Variants in NLRP5 observed in about 807,000 individuals in gnomAD.
The protein encoded by NLRP5 is NACHT, LRR and PYD domains-containing protein 5.
NLRP5 carries 93 observed loss-of-function variants against 113.1 expected under a neutral mutation model. That is an observed-to-expected ratio of 0.82 (90% confidence interval 0.70 to 0.98). The LOEUF (loss-of-function observed/expected upper bound fraction) is 0.98. Among genes scored for constraint, NLRP5 ranks in the 50% least tolerant of loss-of-function variants. The probability of loss-of-function intolerance (pLI) is 0.00; values close to 1 mark genes in which losing one functional copy is unlikely to be tolerated. For synonymous variants in NLRP5, 751 were observed against 600.7 expected (o/e 1.25, Z -3.66); for missense variants, 1,808 against 1,514.3 (o/e 1.19, Z -3.22).
chr19:55,990,079 CTTTTTTTTTTTTTTTTT>C, the NLRP5 span, among the ~76,000 whole-genome samples: 1 of 95,958 alleles, frequency 1.0e-5, no homozygotes, highest in Non-Finnish European at 2.0e-5. Context: ...TTTCTTTTTT[CTTTTTTTTTTTTTTTTT>C]TTTTTTTTTT....
chr19:56,002,763 G>C (rs1221446730), intron 1 of NLRP5, among the ~76,000 whole-genome samples: 1 of 151,116 alleles, frequency 6.6e-6, no homozygotes, highest in Non-Finnish European at 1.5e-5. Context: ...ATGGTTTCCA[G>C]TTTCATCCAT....
intron 3 of NLRP5, among the ~76,000 whole-genome samples, chr19:56,010,093 G>A (rs1167486933): frequency 6.6e-6 from 1 of 152,130 alleles, no homozygotes; most frequent in Non-Finnish European, 1.5e-5. Context: ...CAAAAGCCGG[G>A]GGTCTTGCCA....
the NLRP5 span, among the ~76,000 whole-genome samples, chr19:55,991,854 G>C: frequency 4.2e-3 from 644 of 152,262 alleles, 5 homozygotes; most frequent in African/African-American, 0.014. Flanking sequence ...GAACGGAAGT[G>C]CTGACAGCTA....
At chr19:56,056,942 C>T (rs997022518) in intron 13 of NLRP5, among the ~76,000 whole-genome samples, 3 of 152,068 alleles carry the variant, frequency 2.0e-5, no homozygotes, top group Non-Finnish European at 2.9e-5. Flanking sequence ...GAGTTCGAGA[C>T]CAGACTGGCC....
intron 6 of NLRP5, among the ~76,000 whole-genome samples, chr19:56,026,153 A>G (rs1568490378): frequency 6.6e-6 from 1 of 152,114 alleles, no homozygotes; most frequent in Admixed American, 6.6e-5. Flanking sequence ...CTAGGAAGAA[A>G]CAAGACCCAT....
chr19:55,999,206 CTTTT>C (rs1487712501), upstream of NLRP5, among the ~76,000 whole-genome samples: 1 of 121,384 alleles, frequency 8.2e-6, no homozygotes. Context: ...CTTTTTTTTT[CTTTT>C]TCTTTTTTTT....
At chr19:56,035,519 A>G (rs998303117) in intron 9 of NLRP5, among the ~76,000 whole-genome samples, 1 of 152,238 alleles carries the variant, frequency 6.6e-6, no homozygotes, top group Non-Finnish European at 1.5e-5. Context: ...TTAGATTCAA[A>G]GAATAAATAA....
chr19:56,041,507 T>C (rs1372108918), intron 11 of NLRP5, among the ~76,000 whole-genome samples: 1 of 152,192 alleles, frequency 6.6e-6, no homozygotes, highest in Non-Finnish European at 1.5e-5. Flanking sequence ...TACACATCGT[T>C]GATTCGTTAA....
At chr19:56,032,092 C>T (rs1983137993) in intron 7 of NLRP5, among the ~76,000 whole-genome samples, 5 of 152,108 alleles carry the variant, frequency 3.3e-5, no homozygotes, top group Admixed American at 2.0e-4. Context: ...CACCTGTAAT[C>T]CCAGCACCTT....
At chr19:56,036,055 A>ATTTTTTTTTTTTTTTTT (rs1261118713) in intron 9 of NLRP5, among the ~76,000 whole-genome samples, 7 of 90,574 alleles carry the variant, frequency 7.7e-5, no homozygotes, top group African/African-American at 3.0e-4. Flanking sequence ...ATGAATTGAG[A>ATTTTTTTTTTTTTTTTT]TTCTTTTTTT....
At chr19:56,059,133 C>T (rs180941015) in intron 14 of NLRP5, among the ~76,000 whole-genome samples, 2 of 152,254 alleles carry the variant, frequency 1.3e-5, no homozygotes, top group Non-Finnish European at 1.5e-5. Context: ...TGTGGTGATG[C>T]TTGCACAGCC....
intron 4 of NLRP5, among the ~76,000 whole-genome samples, chr19:56,016,848 G>A (rs1183785056): frequency 1.3e-5 from 2 of 152,114 alleles, no homozygotes; most frequent in Non-Finnish European, 2.9e-5. Context: ...TTGCTCTGTT[G>A]CCCAGGCTGG....
At chr19:56,019,022 CT>C (rs1982511717) in intron 4 of NLRP5, among the ~76,000 whole-genome samples, 1 of 151,460 alleles carries the variant, frequency 6.6e-6, no homozygotes, top group Non-Finnish European at 1.5e-5. Context: ...CCTCGAACCC[CT>C]GACCTCTGGT....
Position 56,003,853 on chromosome 19 carries a change from G to A in NLRP5, c.200G>A (p.Trp67Ter). ...ACCTTTTCCAGCTACGGGCTGCAAT[G>A]GTGTCTCTATGAGCTAGACAAGGAA... Residue 67 changes from tryptophan (W) to a stop codon, truncating the protein, a stop_gained, in exon 2 of 15, where the codon TGG (tryptophan) becomes TAG (stop). Coordinates refer to ENST00000390649, the MANE Select transcript of NLRP5 (RefSeq NM_153447.4). LOFTEE classifies it high-confidence loss of function. 1.2e-6 allele frequency: 2 copies of A among 1,613,944 alleles called. No homozygotes were observed. Among genetic ancestry groups the A allele is most frequent in the Non-Finnish European group, 1.7e-6 (2 of 1,179,896 alleles).
chr19:56,028,773 TTTA>T (rs1285108385), intron 7 of NLRP5, among the ~76,000 whole-genome samples: 1 of 152,074 alleles, frequency 6.6e-6, no homozygotes, highest in Non-Finnish European at 1.5e-5. Flanking sequence ...TGTGGTTTAT[TTTA>T]TTATTTTAAG....
At chr19:56,030,714 C>CTTCTTTTTTTTTTTTTTTTT in intron 7 of NLRP5, among the ~76,000 whole-genome samples, 26 of 71,352 alleles carry the variant, frequency 3.6e-4, no homozygotes, top group African/African-American at 1.1e-3. Flanking sequence ...CTTTCTTCTT[C>CTTCTTTTTTTTTTTTTTTTT]TTTTTTTTTT....
At chr19:56,047,970 A>C (rs976311650) in intron 11 of NLRP5, among the ~76,000 whole-genome samples, 5 of 152,234 alleles carry the variant, frequency 3.3e-5, no homozygotes, top group African/African-American at 4.8e-5. Flanking sequence ...ATATAATTAT[A>C]TAATGTCCCT....
chr19:56,015,612 G>A (rs748136861), intron 3 of NLRP5, 130 bp from the exon 4 acceptor site: 2 of 595,480 alleles, frequency 3.4e-6, no homozygotes, highest in Admixed American at 3.4e-5. Context: ...CTGAGCCAGT[G>A]GTTCTGTGCT....
chr19:55,993,030 G>C, the NLRP5 span, among the ~76,000 whole-genome samples: 2 of 151,838 alleles, frequency 1.3e-5, no homozygotes, highest in Non-Finnish European at 2.9e-5. Context: ...TGTATTTTTA[G>C]TAGAGATGGG....
Sources: allele counts gnomAD v4.1 joint callset (sites outside exome capture counted in the v4.1 genomes callset), GRCh38; gene constraint gnomAD v4.1.1; transcripts MANE v1.5; gene names NCBI Gene and HGNC (gene_info 2026-07-23, HGNC 2026-07-21).